The following TNPO2 variants were observed in gnomAD, a reference collection of about 807,000 sequenced individuals.
TNPO2 encodes transportin-2.
A neutral mutation model predicts 111.1 loss-of-function variants in TNPO2; 16 were observed. The observed-to-expected ratio is 0.14, with a 90% CI of 0.10 to 0.22. TNPO2 has a LOEUF of 0.22. Ranked by LOEUF, TNPO2 falls within the 10% of genes least tolerant of loss-of-function variation. TNPO2 has a pLI of 1.00. For missense variants in TNPO2, 530 were observed against 1,173.7 expected (o/e 0.45, Z 8.01); for synonymous variants, 481 against 475.8 (o/e 1.01, Z -0.14).
intron 3 of TNPO2, 85 bp downstream of exon 3, chr19:12,720,794 G>T (rs1423781918): frequency 2.0e-6 from 3 of 1,477,336 alleles, no homozygotes. Flanking sequence ...GACTAGGGGA[G>T]TCAGTCCCTC....
chr19:12,714,957 A>T lies in TNPO2; in HGVS notation c.772-18T>A, dbSNP rs759441692. On this transcript the variant is annotated intron_variant, in intron 9 of 25. Coordinates refer to ENST00000425528, the MANE Select transcript of TNPO2 (RefSeq NM_001382241.1). ...AGCATGTACTGTGGTAGGGGGGAGA[A>T]GCTGAGGCCTGGCCTGGCTGGGGGT... The T allele has an allele frequency of 6.2e-7, 1 of 1,604,000 alleles. No individual in the cohort carries two copies. Among genetic ancestry groups the T allele is most frequent in the African/African-American group, 1.3e-5 (1 of 74,364 alleles).
chr19:12,714,002 G>A lies in TNPO2; in HGVS notation c.890+819C>T, dbSNP rs542033736. On this transcript the variant is annotated intron_variant, in intron 10 of 25. Coordinates refer to ENST00000425528, the MANE Select transcript of TNPO2 (RefSeq NM_001382241.1). ...CATGATTTTGACACTCCACTCCAGC[G>A]TGGATGACAGAGCAAAACCTTGTCT... Among the ~76,000 whole-genome samples the A allele has an allele frequency of 9.2e-5, 14 of 152,250 alleles. No individual in the cohort carries two copies. The East Asian group carries it at 1.2e-3, about 13-fold the overall frequency.
At position 12,719,227 on chromosome 19, in the gene TNPO2, G is replaced by T; in HGVS notation, c.175+34C>A. The T allele has an allele frequency of 6.2e-7, 1 of 1,613,938 alleles. No homozygotes were observed. On this transcript the variant is annotated intron_variant, in intron 4 of 25. Transcript: ENST00000425528. The surrounding 1 kb of genome is among the most constrained non-coding windows in gnomAD (Gnocchi z 5.0). ...CAGGGGCCCAGGGGGAGAAAGCAGG[G>T]TCCCGATCGCATGGAAGGGAGCAGA...
rs1280553254 is a variant in TNPO2 at position 12,706,755 on chromosome 19, G to C, written c.1311C>G (p.Ile437Met). 1.9e-6 allele frequency: 3 copies of C among 1,612,666 alleles called. No homozygotes were observed. The Admixed American group carries it at 5.0e-5, about 27-fold the overall frequency. The change falls in exon 14 of 26, where the codon ATC (isoleucine) becomes ATG (methionine). Residue 437 changes from isoleucine to methionine, a missense_variant. Around this residue, in one of 4 missense-constraint regions of TNPO2, gnomAD observed 183 missense variants for 481.0 expected, o/e 0.38. Coordinates refer to ENST00000425528, the MANE Select transcript of TNPO2 (RefSeq NM_001382241.1). The surrounding 1 kb of genome is among the most constrained non-coding windows in gnomAD (Gnocchi z 7.0). ...QGMVPYLPEL[I>M]PHLIQCLSDK... ...CCGACAGGCACTGGATCAGGTGCGG[G>C]ATCAGCTCAGGCAGGTAGGGCACCA...
Position 12,702,761 on chromosome 19 carries a change from C to T in TNPO2, c.2305+62G>A. On this transcript the variant is annotated intron_variant, in intron 21 of 25. Transcript: ENST00000425528. The surrounding 1 kb of genome is among the most constrained non-coding windows in gnomAD (Gnocchi z 5.5). ...AGGCTCTTTCTGATGCCCTTCCCAG[C>T]CCAGAACCCCACCTCCAGAAGGCAG... The T allele has an allele frequency of 1.3e-6, 2 of 1,503,398 alleles. No homozygotes were observed. The highest frequency in any genetic ancestry group is 1.8e-6 in the Non-Finnish European group (2 of 1,082,254). The allele number at this position is 1,503,398 out of a possible 1,614,324, so 93.1% of individuals were successfully genotyped here. A position where few individuals can be genotyped will look rare whatever the true frequency, so the allele number is the denominator to read the frequency against.
chr19:12,723,513 G>A (rs191236116), intron 1 of TNPO2, 148 bp from the exon 2 acceptor site: 1 of 152,254 alleles, frequency 6.6e-6, no homozygotes, highest in East Asian at 1.9e-4. Flanking sequence ...AGCAGTTCGC[G>A]CGATTAGAGA....
intron 12 of TNPO2, 131 bp from the exon 13 acceptor site, chr19:12,710,904 GT>G: frequency 9.4e-7 from 1 of 1,059,898 alleles, no homozygotes; most frequent in Non-Finnish European, 1.3e-6. Context: ...TTTTTGTTTT[GT>G]TTTTTTGAGA....
rs555906126 is a variant in TNPO2 at position 12,699,409 on chromosome 19, C to T, written c.*1855G>A. The T allele has an allele frequency of 5.8e-6, 1 of 171,514 alleles. No individual in the cohort carries two copies. Among genetic ancestry groups the T allele is most frequent in the East Asian group, 2.0e-4 (1 of 5,080 alleles). 10.6% of individuals were successfully genotyped at this position (171,514 alleles called of 1,614,324 possible). On this transcript the variant is annotated 3_prime_UTR_variant, in exon 26 of 26. Transcript: ENST00000425528. Reference sequence around the variant, plus strand: ...AGGGGAGAAGGTTGAGAAGCTGAAACTTCATTGTGCAAAAAACAACCAAAA... The same window carrying T: ...AGGGGAGAAGGTTGAGAAGCTGAAATTTCATTGTGCAAAAAACAACCAAAA...
rs1180226276 is a variant in TNPO2, at chr19:12,711,625, G to A, written c.891-12C>T. 6.2e-7 allele frequency: 1 copy of A among 1,612,412 alleles called. No homozygotes were observed. Among genetic ancestry groups the A allele is most frequent in the Non-Finnish European group, 8.5e-7 (1 of 1,179,268 alleles). On this transcript the variant is annotated splice_polypyrimidine_tract_variant and intron_variant, in intron 10 of 25. Transcript: ENST00000425528. ...AGATGGGGATCAACCTGCACAGAGA[G>A]GGACTGTTTATGGGGATGCAGGGGC...
At position 12,719,454 on chromosome 19, in the gene TNPO2, C is replaced by T. The variant is rs952793110; in HGVS notation, c.100-118G>A. On this transcript the variant is annotated intron_variant, in intron 3 of 25. Coordinates refer to ENST00000425528, the MANE Select transcript of TNPO2 (RefSeq NM_001382241.1). The surrounding 1 kb of genome is among the most constrained non-coding windows in gnomAD (Gnocchi z 5.0). ...CAGGCTGCCAGCTCCTGGGGGATCC[C>T]GCTCCCTAATAAGCCCACAATGACA... is the stretch of plus-strand genomic sequence containing the variant. 8 of 824,360 alleles carry T rather than the reference C, an allele frequency of 9.7e-6. 1 individual carries two copies. The highest frequency in any genetic ancestry group is 3.4e-5 in the African/African-American group (2 of 59,012). 51.1% of individuals were successfully genotyped at this position (824,360 alleles called of 1,614,324 possible). A position where few individuals can be genotyped will look rare whatever the true frequency, so the allele number is the denominator to read the frequency against.
rs1199217272 is a variant in TNPO2, at chr19:12,709,331, C to T, written c.1270+1290G>A. On this transcript the variant is annotated intron_variant, in intron 13 of 25. Transcript: ENST00000425528. ...GAGCCAAGATCATGCCACTGCACCC[C>T]AGCCTGGCGAGAAAGCAAGACTCAG... Among the ~76,000 whole-genome samples, 8 of 152,260 alleles carry T rather than the reference C, an allele frequency of 5.3e-5. No homozygotes were observed. The East Asian group carries it at 9.6e-4, about 18-fold the overall frequency.
At chr19:12,703,068 T>G (rs1326876029) in intron 20 of TNPO2, 150 bp from the exon 21 acceptor site, 20 of 689,484 alleles carry the variant, frequency 2.9e-5, no homozygotes, top group Middle Eastern at 8.1e-4. Context: ...CTCCGGCTAA[T>G]CCCCACCCAG....
At position 12,706,803 on chromosome 19, in the gene TNPO2, GAA is replaced by G. The variant is rs1479122109; in HGVS notation, c.1271-10_1271-9del. 6.3e-7 allele frequency: 1 copy of G among 1,594,914 alleles called. No homozygotes were observed. The highest frequency in any genetic ancestry group is 1.1e-5 in the South Asian group (1 of 88,514). ...CCATGCCCTGCATGCAGCCTACAAG[GAA>G]AGGGAACCAAGAGGGGGCAGTTTGA... On this transcript the variant is annotated splice_polypyrimidine_tract_variant and intron_variant, in intron 13 of 25. Coordinates refer to ENST00000425528, the MANE Select transcript of TNPO2 (RefSeq NM_001382241.1). The surrounding 1 kb of genome is among the most constrained non-coding windows in gnomAD (Gnocchi z 7.0).
chr19:12,701,149 C>T lies in TNPO2; in HGVS notation c.*115G>A. On this transcript the variant is annotated 3_prime_UTR_variant, in exon 26 of 26. Transcript: ENST00000425528. This position sits in a 1 kb window ranked among gnomAD's most constrained non-coding sequence, Gnocchi z 5.0. ...GGAAGGCATCTGGATTTGAGTCCCA[C>T]TCACTCCTCCCTAACCCCCCTCAAC... 1.9e-6 allele frequency: 1 copy of T among 531,910 alleles called. No homozygotes were observed. Among genetic ancestry groups the T allele is most frequent in the Non-Finnish European group, 3.3e-6 (1 of 300,058 alleles). The allele number at this position is 531,910 out of a possible 1,614,324, so 32.9% of individuals were successfully genotyped here.
chr19:12,708,605 G>A (rs921887713), intron 13 of TNPO2, among the ~76,000 whole-genome samples: 9 of 151,274 alleles, frequency 5.9e-5, no homozygotes, highest in Non-Finnish European at 1.2e-4. Flanking sequence ...GGTGGCTCAC[G>A]CCTGTAATCC....
intron 2 of TNPO2, chr19:12,722,509 C>A (rs1967049299): frequency 7.1e-6 from 1 of 140,028 alleles, no homozygotes; most frequent in South Asian, 2.3e-4. Context: ...GCAACTCGCG[C>A]TGCGGCTTCT....
rs189219535 is a variant in TNPO2, at chr19:12,712,231, C to T, written c.891-618G>A. Among the ~76,000 whole-genome samples, 248 of 152,274 alleles carry T rather than the reference C, an allele frequency of 1.6e-3. 2 individuals are homozygous for T. In the East Asian group the frequency reaches 0.023, roughly 14 times the overall value. ...AGAGGGCTCCTTGGTCTAGCGGTGA[C>T]GCCAGCATCTGGGAAGACGCCCGTT... On this transcript the variant is annotated intron_variant, in intron 10 of 25. Transcript: ENST00000425528.
chr19:12,702,958 C>A lies in TNPO2; in HGVS notation c.2210-40G>T. ...AGTCAGAGCCCTGCACAGCCCCCGC[C>A]ACCCACAGGGGCCAGGGGGCCGCCC... On this transcript the variant is annotated intron_variant, in intron 20 of 25. Coordinates refer to ENST00000425528, the MANE Select transcript of TNPO2 (RefSeq NM_001382241.1). This position sits in a 1 kb window ranked among gnomAD's most constrained non-coding sequence, Gnocchi z 5.5. The A allele has an allele frequency of 1.3e-6, 2 of 1,586,694 alleles. No individual in the cohort carries two copies. The highest frequency in any genetic ancestry group is 1.7e-6 in the Non-Finnish European group (2 of 1,156,576).
Position 12,701,702 on chromosome 19 carries a change from C to T in TNPO2, c.2512-30G>A, listed in dbSNP as rs748225410. 1 of 1,613,372 alleles carries T rather than the reference C, an allele frequency of 6.2e-7. No homozygotes were observed. ...AACGTGACGGATCCCAGGTGAGGGG[C>T]CGCCCGAGCCCAGCGCCCGCGCCTG... On this transcript the variant is annotated intron_variant, in intron 23 of 25. Transcript: ENST00000425528. The surrounding 1 kb of genome is among the most constrained non-coding windows in gnomAD (Gnocchi z 5.0).
Sources: gnomAD v4.1 joint callset for allele counts (sites outside exome capture counted in the v4.1 genomes callset) on GRCh38, gnomAD v4.1.1 for gene constraint, gnomAD v4.1.1 regional missense constraint, Gnocchi (gnomAD v3.1) non-coding constraint, MANE v1.5 for transcripts, NCBI Gene and HGNC (gene_info 2026-07-23, HGNC 2026-07-21) for gene names.